Variants in HS3ST2 observed in about 807,000 individuals in gnomAD.
HS3ST2 encodes the protein heparan sulfate glucosamine 3-O-sulfotransferase 2.
In HS3ST2, 17 loss-of-function variants were observed where a neutral mutation model predicts 26.3. The ratio of observed to expected loss-of-function variants is 0.65; its 90% CI spans 0.44 to 0.97. The LOEUF (loss-of-function observed/expected upper bound fraction) is 0.97. HS3ST2 is among the 50% of genes least tolerant of loss of function. HS3ST2 has a pLI of 0.00. For synonymous variants in HS3ST2, 237 were observed against 219.2 expected (o/e 1.08, Z -0.72); for missense variants, 402 against 501.2 (o/e 0.80, Z 1.89).
chr16:22,871,280 C>T (rs1293692283), intron 1 of HS3ST2, among the ~76,000 whole-genome samples: 2 of 151,086 alleles, frequency 1.3e-5, no homozygotes, highest in African/African-American at 2.4e-5. Context: ...TGCTTGAACC[C>T]GGGAGGTGGA....
intron 1 of HS3ST2, among the ~76,000 whole-genome samples, chr16:22,824,303 C>A (rs4783493): frequency 0.092 from 13,922 of 152,130 alleles, 846 homozygotes; most frequent in Middle Eastern, 0.16. Context: ...AATCCCAGCA[C>A]TTTGGGAGGC....
chr16:22,858,753 A>G, intron 1 of HS3ST2, among the ~76,000 whole-genome samples: 1 of 152,156 alleles, frequency 6.6e-6, no homozygotes, highest in East Asian at 1.9e-4. Context: ...AAAATGAGGA[A>G]AATGGTTCCT....
chr16:22,839,685 C>T (rs966594376), intron 1 of HS3ST2, among the ~76,000 whole-genome samples: 1 of 151,890 alleles, frequency 6.6e-6, no homozygotes, highest in African/African-American at 2.4e-5. Context: ...TGATATCAGC[C>T]ACCCACCTGC....
intron 1 of HS3ST2, among the ~76,000 whole-genome samples, chr16:22,856,732 A>T (rs1471948676): frequency 6.6e-6 from 1 of 152,086 alleles, no homozygotes; most frequent in Non-Finnish European, 1.5e-5. Context: ...TTTGGCCGTG[A>T]CCTCAGAGGG....
At chr16:22,865,965 A>T (rs1030775137) in intron 1 of HS3ST2, among the ~76,000 whole-genome samples, 10 of 152,228 alleles carry the variant, frequency 6.6e-5, no homozygotes, top group African/African-American at 2.4e-4. Context: ...TAAATTAGGC[A>T]TTGATGGAAG....
At chr16:22,825,518 A>G (rs1901071191) in intron 1 of HS3ST2, among the ~76,000 whole-genome samples, 1 of 152,210 alleles carries the variant, frequency 6.6e-6, no homozygotes, top group Non-Finnish European at 1.5e-5. Flanking sequence ...AGCTATAGTA[A>G]GTAGCATGGA....
chr16:22,878,321 G>T (rs531125725), intron 1 of HS3ST2, among the ~76,000 whole-genome samples: 1 of 152,228 alleles, frequency 6.6e-6, no homozygotes, highest in South Asian at 2.1e-4. Context: ...AAAGAAATAA[G>T]AACAACAAAA....
At chr16:22,843,499 A>G (rs1225804671) in intron 1 of HS3ST2, among the ~76,000 whole-genome samples, 1 of 152,152 alleles carries the variant, frequency 6.6e-6, no homozygotes, top group Non-Finnish European at 1.5e-5. Flanking sequence ...TTTGAGATTG[A>G]TTAATTTGTT....
chr16:22,852,584 A>G (rs899891219), intron 1 of HS3ST2, among the ~76,000 whole-genome samples: 1 of 152,178 alleles, frequency 6.6e-6, no homozygotes, highest in African/African-American at 2.4e-5. Context: ...GCTTTGTGTC[A>G]TCCTCTTTCT....
chr16:22,893,948 G>A (rs1262251183), intron 1 of HS3ST2, among the ~76,000 whole-genome samples: 2 of 151,922 alleles, frequency 1.3e-5, no homozygotes. Context: ...CACCATGCCT[G>A]GCTAATTATT....
rs756148273 is a variant in HS3ST2 at position 22,915,217 on chromosome 16, C to T, written c.759C>T (p.Tyr253=). Residue 253 remains tyrosine (Y), a synonymous_variant, in exon 2 of 2, where the codon TAC becomes TAT. Coordinates refer to ENST00000261374, the MANE Select transcript of HS3ST2 (RefSeq NM_006043.2). ...GGAACGCCATCCGCATCGGCATGTA[C>T]GTGCTGCACCTGGAGAGCTGGCTGC... ...VSWNAIRIGM[Y]VLHLESWLQY... is the part of the protein sequence containing the mutation. 4 of 1,614,012 alleles carry T rather than the reference C, an allele frequency of 2.5e-6. No homozygotes were observed. Among genetic ancestry groups the T allele is most frequent in the Admixed American group, 1.7e-5 (1 of 59,990 alleles).
chr16:22,832,175 T>G (rs112172263), intron 1 of HS3ST2, among the ~76,000 whole-genome samples: 138 of 150,936 alleles, frequency 9.1e-4, no homozygotes, highest in East Asian at 4.9e-3. Flanking sequence ...TTTTTAATTT[T>G]TAGTGGAGAT....
At chr16:22,873,231 A>G (rs1299730460) in intron 1 of HS3ST2, among the ~76,000 whole-genome samples, 2 of 152,200 alleles carry the variant, frequency 1.3e-5, no homozygotes, top group Non-Finnish European at 2.9e-5. Flanking sequence ...CCATCACTCC[A>G]AGGGAAAACC....
In HS3ST2 at chr16:22,825,380, A is replaced by C. The variant is rs190495419; in HGVS notation, c.485+10285A>C. Among the ~76,000 whole-genome samples, 30 of 152,330 alleles carry C rather than the reference A, an allele frequency of 2.0e-4. 1 individual carries two copies. The highest frequency in any genetic ancestry group is 7.2e-4 in the African/African-American group (30 of 41,584). ...TCATACCTTTATTCAGCAGCATGCT[A>C]AGGACACAGAGATGAATATAACACA... On this transcript the variant is annotated intron_variant, in intron 1 of 1. Coordinates refer to ENST00000261374, the MANE Select transcript of HS3ST2 (RefSeq NM_006043.2).
chr16:22,835,113 G>T (rs546892942), intron 1 of HS3ST2, among the ~76,000 whole-genome samples: 2 of 152,128 alleles, frequency 1.3e-5, no homozygotes, highest in East Asian at 3.9e-4. Flanking sequence ...CTTTCAGTAA[G>T]AAAGTCTTAA....
chr16:22,913,337 GAA>G (rs1902451175), intron 1 of HS3ST2, among the ~76,000 whole-genome samples: 1 of 152,110 alleles, frequency 6.6e-6, no homozygotes, highest in Non-Finnish European at 1.5e-5. Flanking sequence ...ATGCTCCTGG[GAA>G]AGAGACTTCA....
At chr16:22,870,877 A>T (rs1901827393) in intron 1 of HS3ST2, among the ~76,000 whole-genome samples, 1 of 152,158 alleles carries the variant, frequency 6.6e-6, no homozygotes, top group Non-Finnish European at 1.5e-5. Context: ...ATGTGGTTTA[A>T]CTGTTAGATA....
chr16:22,884,677 T>A (rs868749743), intron 1 of HS3ST2, among the ~76,000 whole-genome samples: 16 of 138,316 alleles, frequency 1.2e-4, no homozygotes, highest in Admixed American at 3.0e-4. Context: ...TATATATATA[T>A]TATATATATA....
intron 1 of HS3ST2, among the ~76,000 whole-genome samples, chr16:22,876,048 T>A (rs12597004): frequency 0.14 from 20,891 of 152,182 alleles, 2,092 homozygotes; most frequent in East Asian, 0.36. Context: ...AAGTTGCCTA[T>A]TGTCACATTT....
Sources: gnomAD v4.1 joint callset for allele counts (sites outside exome capture counted in the v4.1 genomes callset) on GRCh38, gnomAD v4.1.1 for gene constraint, MANE v1.5 for transcripts, NCBI Gene and HGNC (gene_info 2026-07-23, HGNC 2026-07-21) for gene names.